Variants in NCKAP1 observed in about 807,000 individuals in gnomAD.
NCKAP1 encodes NCK associated protein 1.
A neutral mutation model predicts 151.2 loss-of-function variants in NCKAP1; 21 were observed. The observed-to-expected ratio is 0.14, with a 90% CI of 0.10 to 0.20. NCKAP1 has a LOEUF of 0.20. Ranked by LOEUF, NCKAP1 falls within the 10% of genes least tolerant of loss-of-function variation. NCKAP1 has a pLI of 1.00. For synonymous variants in NCKAP1, 484 were observed against 451.8 expected, an observed-to-expected ratio of 1.07 and a Z score of -0.90; for missense variants, 933 against 1,352.1, an observed-to-expected ratio of 0.69 and a Z score of 4.86.
Position 182,995,828 on chromosome 2 carries a change from T to C in NCKAP1, c.614A>G (p.Asp205Gly). ...EFVPHSKSLS[D>G]ALISLQMVYP... Reference sequence around the variant, plus strand: ...TACCATTTGAAGAGAAATTAGTGCATCTGAAAGAGACTAATTAAAATACGA... The same window carrying C: ...TACCATTTGAAGAGAAATTAGTGCACCTGAAAGAGACTAATTAAAATACGA... The change falls in exon 7 of 31, where the codon GAT becomes GGT. Residue 205 changes from aspartate (D) to glycine (G), a missense_variant. Asp to Gly is a moderately conservative substitution (Grantham distance 94, BLOSUM62 -1). Around this residue, in one of 2 missense-constraint regions of NCKAP1, gnomAD observed 607 missense variants for 795.0 expected, o/e 0.76. Coordinates refer to ENST00000361354, the MANE Select transcript of NCKAP1 (RefSeq NM_013436.5). 6.2e-7 allele frequency: 1 copy of C among 1,610,370 alleles called. No homozygotes were observed. Among genetic ancestry groups the C allele is most frequent in the Non-Finnish European group, 8.5e-7 (1 of 1,176,730 alleles).
At chr2:183,026,160 G>C (rs1698890648) in intron 1 of NCKAP1, among the ~76,000 whole-genome samples, 2 of 152,182 alleles carry the variant, frequency 1.3e-5, no homozygotes, top group Admixed American at 1.3e-4. Context: ...ATTTCATTTT[G>C]TCCAAGTCCA....
chr2:182,956,592 G>A lies in NCKAP1; in HGVS notation c.2023C>T (p.Leu675Phe). The A allele has an allele frequency of 1.9e-6, 3 of 1,592,890 alleles. No individual in the cohort carries two copies. The highest frequency in any genetic ancestry group is 2.6e-6 in the Non-Finnish European group (3 of 1,172,940). ...MRKNRLVVTNLDKLHTALSEL... is the reference protein window; with the variant it reads ...MRKNRLVVTNFDKLHTALSEL... ...GAAAGTGCAGTGTGCAATTTATCAA[G>A]GCTGAAAAAAATTAATAAACAGTTA... The change falls in exon 20 of 31, where the codon CTT becomes TTT. Residue 675 changes from leucine (L) to phenylalanine (F), a missense_variant and splice_region_variant. Leu to Phe is a conservative substitution (Grantham distance 22). Transcript: ENST00000361354.
intron 2 of NCKAP1, among the ~76,000 whole-genome samples, chr2:183,017,659 T>A (rs889027203): frequency 6.6e-6 from 1 of 151,958 alleles, no homozygotes; most frequent in African/African-American, 2.4e-5. Context: ...GGCCTGGGGG[T>A]TGGGGACCCT....
At chr2:182,993,483 T>C (rs1330644925) in intron 8 of NCKAP1, among the ~76,000 whole-genome samples, 3 of 152,182 alleles carry the variant, frequency 2.0e-5, no homozygotes, top group Non-Finnish European at 4.4e-5. Context: ...GAGGAATTTA[T>C]CTATATTACA....
At chr2:183,004,226 A>G (rs1200822040) in intron 2 of NCKAP1, among the ~76,000 whole-genome samples, 1 of 152,138 alleles carries the variant, frequency 6.6e-6, no homozygotes, top group African/African-American at 2.4e-5. Flanking sequence ...AACACACATT[A>G]AATGTGTGAG....
chr2:182,992,220 T>C (rs1698183376), intron 8 of NCKAP1, among the ~76,000 whole-genome samples: 1 of 152,194 alleles, frequency 6.6e-6, no homozygotes, highest in Non-Finnish European at 1.5e-5. Context: ...GTCTGGGTAG[T>C]AGTTCCAAAA....
At chr2:183,023,489 AC>A (rs1468755366) in intron 2 of NCKAP1, among the ~76,000 whole-genome samples, 1 of 152,200 alleles carries the variant, frequency 6.6e-6, no homozygotes, top group Admixed American at 6.5e-5. Context: ...ACTATAAGAA[AC>A]AAAAATATCC....
intron 18 of NCKAP1, among the ~76,000 whole-genome samples, chr2:182,959,206 T>C (rs1379638779): frequency 6.6e-6 from 1 of 152,214 alleles, no homozygotes; most frequent in Non-Finnish European, 1.5e-5. Flanking sequence ...TGCATTTCTA[T>C]TGTGACAAAG....
chr2:183,023,784 T>C (rs374946113), intron 2 of NCKAP1, 22 bp downstream of exon 2: 12 of 1,557,858 alleles, frequency 7.7e-6, no homozygotes, highest in Non-Finnish European at 9.7e-6. Flanking sequence ...AATTAAGCAA[T>C]AGAAAAATTT....
chr2:182,927,088 G>A, intron 29 of NCKAP1, 183 bp from the exon 30 acceptor site: 1 of 479,362 alleles, frequency 2.1e-6, no homozygotes. Flanking sequence ...GAGTAATTAA[G>A]GCACAAAGAG....
At chr2:182,953,708 G>A (rs563890670) in intron 20 of NCKAP1, among the ~76,000 whole-genome samples, 18 of 152,126 alleles carry the variant, frequency 1.2e-4, no homozygotes, top group Admixed American at 8.5e-4. Context: ...TGAGACAGGA[G>A]AATCGCTTGA....
chr2:182,954,176 A>T (rs1399187162), intron 20 of NCKAP1, among the ~76,000 whole-genome samples: 2 of 152,174 alleles, frequency 1.3e-5, no homozygotes, highest in Non-Finnish European at 2.9e-5. Context: ...TGCCTGACTT[A>T]GTGCTGCCTC....
intron 24 of NCKAP1, among the ~76,000 whole-genome samples, chr2:182,937,416 A>C (rs1696900687): frequency 6.6e-6 from 1 of 152,138 alleles, no homozygotes; most frequent in Admixed American, 6.5e-5. Flanking sequence ...CAAGGAACTA[A>C]CTCTAGAACA....
chr2:183,006,822 T>A (rs1288128466), intron 2 of NCKAP1, among the ~76,000 whole-genome samples: 1 of 152,184 alleles, frequency 6.6e-6, no homozygotes, highest in African/African-American at 2.4e-5. Flanking sequence ...AACAGAACAT[T>A]AGAAAAGTAC....
rs1698401811 is a variant in NCKAP1 at position 183,002,979 on chromosome 2, C to T, written c.364G>A (p.Asp122Asn). 4.4e-6 allele frequency: 7 copies of T among 1,606,478 alleles called. No homozygotes were observed. The highest frequency in any genetic ancestry group is 6.0e-6 in the Non-Finnish European group (7 of 1,175,030). ...TTTCTGAAAATGATACTTACAATAT[C>T]AAAGAAGACTTGGCAAACGTCAATA... is the stretch of plus-strand genomic sequence containing the variant. ...NTIDVCQVFFDITVNFDLTKN... is the reference protein window; with the variant it reads ...NTIDVCQVFFNITVNFDLTKN... The change falls in exon 4 of 31, where the codon GAT becomes AAT. Residue 122 changes from aspartate (D) to asparagine (N), a missense_variant. Asp to Asn is a conservative substitution (Grantham distance 23, BLOSUM62 1). This residue lies in a region of NCKAP1 where 607 missense variants were observed against 795.0 expected (regional missense o/e 0.76). Transcript: ENST00000361354.
intron 15 of NCKAP1, among the ~76,000 whole-genome samples, chr2:182,976,000 T>C (rs1286316193): frequency 2.0e-5 from 3 of 152,066 alleles, no homozygotes; most frequent in African/African-American, 7.2e-5. Context: ...TTTGAACATC[T>C]AAAAAAATAT....
At chr2:182,987,731 T>A (rs1575049577) in intron 9 of NCKAP1, among the ~76,000 whole-genome samples, 1 of 152,168 alleles carries the variant, frequency 6.6e-6, no homozygotes, top group Non-Finnish European at 1.5e-5. Context: ...ACAAAGCCCA[T>A]CTTGCACATA....
At chr2:182,996,106 G>A (rs16823916) in intron 6 of NCKAP1, among the ~76,000 whole-genome samples, 6,508 of 152,260 alleles carry the variant, frequency 0.043, 190 homozygotes, top group South Asian at 0.13. Flanking sequence ...GTTAAAATAC[G>A]TGGCAATCTT....
intron 2 of NCKAP1, among the ~76,000 whole-genome samples, chr2:183,023,242 A>T (rs1424260629): frequency 6.6e-6 from 1 of 152,134 alleles, no homozygotes; most frequent in East Asian, 1.9e-4. Flanking sequence ...TATCAGGAAG[A>T]TTCTGAACAT....
Sources: allele counts gnomAD v4.1 joint callset (sites outside exome capture counted in the v4.1 genomes callset), GRCh38; gene constraint gnomAD v4.1.1; regional missense constraint gnomAD v4.1.1; transcripts MANE v1.5; gene names NCBI Gene and HGNC (gene_info 2026-07-23, HGNC 2026-07-21).